The following CADPS2 variants were observed in gnomAD, a reference collection of about 807,000 sequenced individuals.
CADPS2 encodes calcium dependent secretion activator 2.
CADPS2 carries 93 observed loss-of-function variants against 172.5 expected under a neutral mutation model. The ratio of observed to expected loss-of-function variants is 0.54; its 90% CI spans 0.46 to 0.64. The LOEUF (loss-of-function observed/expected upper bound fraction) is 0.64, where lower values mean the gene tolerates loss of function less well. Among genes scored for constraint, CADPS2 ranks in the 30% least tolerant of loss-of-function variants. The pLI is 0.00. For synonymous variants in CADPS2, 546 were observed against 555.2 expected (o/e 0.98, Z 0.23); for missense variants, 1,420 against 1,565.9 (o/e 0.91, Z 1.57).
chr7:122,829,719 G>C (rs1805936167), intron 1 of CADPS2, among the ~76,000 whole-genome samples: 1 of 151,420 alleles, frequency 6.6e-6, no homozygotes, highest in Non-Finnish European at 1.5e-5. Flanking sequence ...TAATTTGAAA[G>C]GTGTCTTTTA....
At chr7:122,362,557 T>A (rs1206646927) in intron 25 of CADPS2, among the ~76,000 whole-genome samples, 2 of 152,188 alleles carry the variant, frequency 1.3e-5, no homozygotes, top group Non-Finnish European at 2.9e-5. Context: ...TTATTTAGCA[T>A]GAAAATCGAT....
chr7:122,544,869 T>C (rs1379970895), intron 8 of CADPS2, among the ~76,000 whole-genome samples: 1 of 152,174 alleles, frequency 6.6e-6, no homozygotes, highest in Non-Finnish European at 1.5e-5. Flanking sequence ...CTACCATACG[T>C]ACAAATAACT....
intron 2 of CADPS2, among the ~76,000 whole-genome samples, chr7:122,665,547 C>T (rs1452927466): frequency 1.3e-5 from 2 of 152,200 alleles, no homozygotes; most frequent in East Asian, 3.8e-4. Flanking sequence ...CTGAAACATG[C>T]TCAAAACACT....
rs558421546 is a variant in CADPS2, at chr7:122,734,356, T to TAAAAAAAAAAAAAAAAAA, written c.453+2581_453+2598dup. Among the ~76,000 whole-genome samples the TAAAAAAAAAAAAAAAAAA allele has an allele frequency of 2.4e-4, 11 of 46,278 alleles. 1 individual carries two copies. The highest frequency in any genetic ancestry group is 1.2e-3 in the South Asian group (1 of 812). 30.4% of individuals were successfully genotyped at this position (46,278 alleles called of 152,430 possible). ...AATAACGATAGCATGCCAGAAATAG[T>TAAAAAAAAAAAAAAAAAA]AAAAAAAAAAAAAAAAAAAAAAAAA... On this transcript the variant is annotated intron_variant, in intron 2 of 29. Coordinates refer to ENST00000449022, the MANE Select transcript of CADPS2 (RefSeq NM_017954.11).
intron 1 of CADPS2, among the ~76,000 whole-genome samples, chr7:122,840,666 A>C (rs1431053750): frequency 6.6e-6 from 1 of 152,056 alleles, no homozygotes; most frequent in Non-Finnish European, 1.5e-5. Context: ...CTGTAGTCCC[A>C]GGTACTCCAG....
intron 17 of CADPS2, among the ~76,000 whole-genome samples, chr7:122,426,904 C>T (rs1020507811): frequency 6.6e-6 from 1 of 152,142 alleles, no homozygotes; most frequent in African/African-American, 2.4e-5. Context: ...AGTAAAAAAA[C>T]AACAAGTACA....
chr7:122,807,664 T>C (rs994764656), intron 1 of CADPS2, among the ~76,000 whole-genome samples: 1 of 152,224 alleles, frequency 6.6e-6, no homozygotes, highest in African/African-American at 2.4e-5. Context: ...ATCAAAGTGT[T>C]GGCAGGTCCG....
chr7:122,704,998 A>G (rs1054826235), intron 2 of CADPS2, among the ~76,000 whole-genome samples: 2 of 152,040 alleles, frequency 1.3e-5, no homozygotes, highest in Non-Finnish European at 2.9e-5. Flanking sequence ...AAACAGCCTG[A>G]GGAGAGAAGC....
intron 1 of CADPS2, among the ~76,000 whole-genome samples, chr7:122,869,605 GAGA>G (rs1397026602): frequency 2.0e-5 from 3 of 151,924 alleles, no homozygotes; most frequent in African/African-American, 4.8e-5. Flanking sequence ...CAAGCTAAAG[GAGA>G]AGATCACTAA....
At chr7:122,786,500 A>G (rs1794071343) in intron 1 of CADPS2, among the ~76,000 whole-genome samples, 1 of 152,216 alleles carries the variant, frequency 6.6e-6, no homozygotes, top group Non-Finnish European at 1.5e-5. Flanking sequence ...ATTTGTCAAT[A>G]TTAGGAAATA....
intron 2 of CADPS2, among the ~76,000 whole-genome samples, chr7:122,672,289 C>A (rs2081947521): frequency 6.6e-6 from 1 of 152,102 alleles, no homozygotes; most frequent in Non-Finnish European, 1.5e-5. Flanking sequence ...GAAACTGGTT[C>A]CAGAGCTGGT....
chr7:122,588,828 T>C (rs187996053), intron 6 of CADPS2, among the ~76,000 whole-genome samples: 91 of 151,986 alleles, frequency 6.0e-4, no homozygotes, highest in African/African-American at 1.9e-3. Context: ...GGTGAGAAGG[T>C]AGATGGGCAC....
At chr7:122,426,075 T>G (rs1383080869) in intron 17 of CADPS2, 3 of 152,282 alleles carry the variant, frequency 2.0e-5, no homozygotes, top group Non-Finnish European at 2.9e-5. Context: ...TCCAGAGACT[T>G]GCCAGCTGCA....
intron 6 of CADPS2, among the ~76,000 whole-genome samples, chr7:122,604,059 A>C (rs991617208): frequency 1.3e-5 from 2 of 152,138 alleles, no homozygotes; most frequent in Non-Finnish European, 2.9e-5. Context: ...CCTTGAATAC[A>C]ATCTTTATTT....
intron 2 of CADPS2, chr7:122,702,990 GA>G (rs1166403454): frequency 3.6e-5 from 16 of 447,382 alleles, no homozygotes; most frequent in African/African-American, 3.2e-4. Flanking sequence ...AGAAAATTAT[GA>G]CATCCAAATG....
Position 122,621,638 on chromosome 7 carries a change from A to G in CADPS2, c.947T>C (p.Leu316Pro). Residue 316 changes from leucine (L) to proline (P), a missense_variant, in exon 5 of 30, where the codon CTA (leucine) becomes CCA (proline). Leu to Pro is a moderately conservative substitution (Grantham distance 98, BLOSUM62 -3). Transcript: ENST00000449022. Reference protein sequence around the residue: ...IEELRSSVNLLMANLESLPVS... With the variant: ...IEELRSSVNLPMANLESLPVS... ...TGGAAGACTTTCCAAATTGGCCATT[A>G]GCAAATTCACTGAAGACCGCAACTC... 1 of 1,613,776 alleles carries G rather than the reference A, an allele frequency of 6.2e-7. No individual in the cohort carries two copies. Among genetic ancestry groups the G allele is most frequent in the Non-Finnish European group, 8.5e-7 (1 of 1,179,704 alleles).
intron 8 of CADPS2, among the ~76,000 whole-genome samples, chr7:122,514,639 T>G (rs1008633732): frequency 6.6e-6 from 1 of 152,138 alleles, no homozygotes; most frequent in Non-Finnish European, 1.5e-5. Context: ...CTTTCATTCC[T>G]GAATGTATTA....
chr7:122,826,655 C>T (rs1265998841), intron 1 of CADPS2, among the ~76,000 whole-genome samples: 1 of 151,842 alleles, frequency 6.6e-6, no homozygotes, highest in East Asian at 1.9e-4. Context: ...TTTAGAAATG[C>T]AGTATACAAT....
At chr7:122,668,406 A>C (rs2135489930) in intron 2 of CADPS2, among the ~76,000 whole-genome samples, 1 of 151,282 alleles carries the variant, frequency 6.6e-6, no homozygotes, top group South Asian at 2.1e-4. Flanking sequence ...TATGGTTAAA[A>C]AAAAAAAAAA....
Sources: gnomAD v4.1 joint callset for allele counts (sites outside exome capture counted in the v4.1 genomes callset) on GRCh38, gnomAD v4.1.1 for gene constraint, MANE v1.5 for transcripts, NCBI Gene and HGNC (gene_info 2026-07-23, HGNC 2026-07-21) for gene names.